LYPD6B: variants seen among roughly 807,000 people sequenced by gnomAD.
LYPD6B encodes LY6/PLAUR domain containing 6B, also known as ly6/PLAUR domain-containing protein 6B.
In LYPD6B, 17 loss-of-function variants were observed where a neutral mutation model predicts 22.8. The ratio of observed to expected loss-of-function variants is 0.75; its 90% CI spans 0.51 to 1.12. LYPD6B has a LOEUF of 1.12. LYPD6B is among the 50% of genes most tolerant of loss of function. LYPD6B has a pLI of 0.00. For missense variants in LYPD6B, 221 were observed against 258.3 expected (o/e 0.86, Z 0.99); for synonymous variants, 106 against 91.6 (o/e 1.16, Z -0.90).
intron 2 of LYPD6B, among the ~76,000 whole-genome samples, chr2:149,149,986 A>G (rs894527069): frequency 2.6e-5 from 4 of 152,200 alleles, no homozygotes; most frequent in African/African-American, 7.2e-5. Flanking sequence ...GATGTTATCT[A>G]TGACCTTTTG....
chr2:149,165,485 A>G (rs1690360684), intron 3 of LYPD6B, among the ~76,000 whole-genome samples: 2 of 152,316 alleles, frequency 1.3e-5, no homozygotes, highest in East Asian at 1.9e-4. Context: ...AGGAGTCTGG[A>G]AAGTGGAGGT....
At chr2:149,196,775 G>A (rs1374075051) in intron 3 of LYPD6B, among the ~76,000 whole-genome samples, 2 of 152,196 alleles carry the variant, frequency 1.3e-5, no homozygotes, top group African/African-American at 2.4e-5. Context: ...TCTCAAGTGA[G>A]AAACACATCT....
chr2:149,155,835 C>T (rs1689666920), intron 2 of LYPD6B, among the ~76,000 whole-genome samples: 1 of 152,190 alleles, frequency 6.6e-6, no homozygotes, highest in African/African-American at 2.4e-5. Flanking sequence ...GTGTTCATGC[C>T]TCTCAGCACT....
intron 3 of LYPD6B, among the ~76,000 whole-genome samples, chr2:149,201,135 C>A (rs1244212455): frequency 6.6e-6 from 1 of 152,194 alleles, no homozygotes; most frequent in Non-Finnish European, 1.5e-5. Context: ...TAGCCATATT[C>A]TGAAACAGCA....
intron 4 of LYPD6B, 134 bp downstream of exon 4, chr2:149,205,538 T>G: frequency 1.0e-6 from 1 of 971,604 alleles, no homozygotes. Flanking sequence ...ACAGAAAGTC[T>G]CCATTACTTC....
intron 2 of LYPD6B, among the ~76,000 whole-genome samples, chr2:149,134,445 C>CT (rs1320578176): frequency 5.9e-5 from 9 of 152,206 alleles, no homozygotes; most frequent in Middle Eastern, 3.2e-3. Context: ...CTACTAAACT[C>CT]TTTATCGCTT....
At position 149,170,596 on chromosome 2, in the gene LYPD6B, A is replaced by G. The variant is rs540505174; in HGVS notation, c.77+9761A>G. Among the ~76,000 whole-genome samples the G allele has an allele frequency of 2.6e-5, 4 of 152,272 alleles. No individual in the cohort carries two copies. In the South Asian group the frequency reaches 6.2e-4, roughly 24 times the overall value. ...GGTTTAGTTTATTTCAAAAGTCTTA[A>G]TATTTATATTTATTACAGATCTAGA... On this transcript the variant is annotated intron_variant, in intron 3 of 6. Transcript: ENST00000409642.
intron 1 of LYPD6B, among the ~76,000 whole-genome samples, chr2:149,115,781 C>T (rs560358750): frequency 1.5e-3 from 231 of 152,314 alleles, no homozygotes; most frequent in Non-Finnish European, 2.6e-3. Context: ...CATGGTTTCA[C>T]TTTCCAAGGT....
intron 1 of LYPD6B, among the ~76,000 whole-genome samples, chr2:149,054,580 G>A (rs960584762): frequency 2.2e-4 from 33 of 152,034 alleles, no homozygotes; most frequent in Non-Finnish European, 4.4e-4. Flanking sequence ...TTTGAAACAT[G>A]AAACACGAAA....
intron 1 of LYPD6B, among the ~76,000 whole-genome samples, chr2:149,103,229 G>C (rs1378444068): frequency 6.6e-6 from 1 of 152,188 alleles, no homozygotes; most frequent in Non-Finnish European, 1.5e-5. Flanking sequence ...TGACAGCGTT[G>C]CATGGTATCT....
At chr2:149,062,110 C>T (rs1278892202) in intron 1 of LYPD6B, among the ~76,000 whole-genome samples, 1 of 152,010 alleles carries the variant, frequency 6.6e-6, no homozygotes, top group East Asian at 1.9e-4. Context: ...GCCTCAGCCT[C>T]CCGAGTAGCT....
rs1395199554 is a variant in LYPD6B, at chr2:149,125,419, C to CAGCAAATTTCA, written c.-66-5464_-66-5463insAGCAAATTTCA. 2.0e-5 allele frequency among the ~76,000 whole-genome samples: 3 copies of CAGCAAATTTCA among 152,214 alleles called. No homozygotes were observed. In the East Asian group the frequency reaches 5.8e-4, roughly 29 times the overall value. ...CCCTCTTCCACCCAGGGAAGCCACCCTGCCTCCAGGGGCCATGGAATTCTC... is the reference window on the plus strand; with the variant it reads ...CCCTCTTCCACCCAGGGAAGCCACCCAGCAAATTTCATGCCTCCAGGGGCCATGGAATTCTC... On this transcript the variant is annotated intron_variant, in intron 1 of 6. Coordinates refer to ENST00000409642, the MANE Select transcript of LYPD6B (RefSeq NM_177964.5).
chr2:149,099,839 A>C (rs1485358906), intron 1 of LYPD6B, among the ~76,000 whole-genome samples: 1 of 152,174 alleles, frequency 6.6e-6, no homozygotes, highest in East Asian at 1.9e-4. Flanking sequence ...TGAGAGTTAG[A>C]CCATTCGTAA....
chr2:149,046,367 T>A (rs1186813134), intron 1 of LYPD6B, among the ~76,000 whole-genome samples: 1 of 152,212 alleles, frequency 6.6e-6, no homozygotes, highest in Non-Finnish European at 1.5e-5. Flanking sequence ...TGACAATATC[T>A]GTCTGTTAAC....
chr2:149,154,132 C>A (rs1279414330), intron 2 of LYPD6B: 11 of 537,492 alleles, frequency 2.0e-5, no homozygotes, highest in Non-Finnish European at 2.6e-5. Flanking sequence ...CCCCACCCCC[C>A]AAAAAAATCC....
intron 1 of LYPD6B, among the ~76,000 whole-genome samples, chr2:149,112,519 A>G (rs1686807067): frequency 6.6e-6 from 1 of 152,166 alleles, no homozygotes; most frequent in Non-Finnish European, 1.5e-5. Flanking sequence ...TAGAAATAGA[A>G]TGAGTTTTGG....
intron 1 of LYPD6B, among the ~76,000 whole-genome samples, chr2:149,047,735 C>T (rs1466932875): frequency 1.3e-5 from 2 of 152,078 alleles, no homozygotes; most frequent in African/African-American, 4.8e-5. Context: ...TTCTTTTCTC[C>T]TGAAATTTCA....
intron 3 of LYPD6B, among the ~76,000 whole-genome samples, chr2:149,163,061 G>A (rs532210141): frequency 2.6e-5 from 4 of 152,160 alleles, no homozygotes; most frequent in African/African-American, 9.7e-5. Flanking sequence ...GGGTGGGGCA[G>A]GAGTCCTGCT....
intron 1 of LYPD6B, among the ~76,000 whole-genome samples, chr2:149,121,430 A>G (rs1031733216): frequency 6.6e-6 from 1 of 152,192 alleles, no homozygotes; most frequent in East Asian, 1.9e-4. Flanking sequence ...AGGAGTTCAC[A>G]TAGAGCTGAT....
Sources: allele counts gnomAD v4.1 joint callset (sites outside exome capture counted in the v4.1 genomes callset), GRCh38; gene constraint gnomAD v4.1.1; transcripts MANE v1.5; gene names NCBI Gene and HGNC (gene_info 2026-07-23, HGNC 2026-07-21).